The following NDRG1 variants were observed in gnomAD, a reference collection of about 807,000 sequenced individuals.
NDRG1 encodes the protein protein NDRG1.
NDRG1 carries 32 observed loss-of-function variants against 56.9 expected under a neutral mutation model. That is an observed-to-expected ratio of 0.56 (90% CI 0.42 to 0.76). The LOEUF (loss-of-function observed/expected upper bound fraction) is 0.76. Among genes scored for constraint, NDRG1 ranks in the 30% least tolerant of loss-of-function variants. The probability of loss-of-function intolerance (pLI) is 0.00; values close to 1 mark genes in which losing one functional copy is unlikely to be tolerated. For synonymous variants in NDRG1, 211 were observed against 204.1 expected (o/e 1.03, Z -0.29); for missense variants, 507 against 545.7 (o/e 0.93, Z 0.71).
At chr8:133,262,820 G>C (rs1856726168) in intron 4 of NDRG1, among the ~76,000 whole-genome samples, 2 of 152,154 alleles carry the variant, frequency 1.3e-5, no homozygotes, top group South Asian at 4.1e-4. Context: ...CTGCCACCCA[G>C]ATTCTCTAAG....
intron 8 of NDRG1, chr8:133,255,667 GA>G (rs1856329247): frequency 3.6e-6 from 1 of 279,152 alleles, no homozygotes; most frequent in East Asian, 9.8e-5. Flanking sequence ...CATTCTGGAG[GA>G]ATGTTCAAAG....
intron 11 of NDRG1, 92 bp from the exon 12 acceptor site, chr8:133,248,018 A>G (rs1298848991): frequency 2.4e-6 from 3 of 1,264,908 alleles, no homozygotes; most frequent in African/African-American, 2.9e-5. Flanking sequence ...TGCATTCTAC[A>G]AACAATGTCA....
At chr8:133,282,808 T>G (rs926632622) in intron 2 of NDRG1, among the ~76,000 whole-genome samples, 1 of 152,222 alleles carries the variant, frequency 6.6e-6, no homozygotes, top group Non-Finnish European at 1.5e-5. Flanking sequence ...TATTTACTAT[T>G]TGACCCTTTG....
chr8:133,289,020 T>A (rs1381714452), intron 1 of NDRG1, among the ~76,000 whole-genome samples: 2 of 152,204 alleles, frequency 1.3e-5, no homozygotes, highest in African/African-American at 4.8e-5. Context: ...GGCCATGGTG[T>A]CACCATTTAT....
At chr8:133,290,543 G>T (rs1269144866) in intron 1 of NDRG1, among the ~76,000 whole-genome samples, 1 of 152,160 alleles carries the variant, frequency 6.6e-6, no homozygotes, top group East Asian at 1.9e-4. Context: ...AGGGAATGTT[G>T]ACAATGATCT....
At chr8:133,291,574 A>G (rs1047433442) in intron 1 of NDRG1, among the ~76,000 whole-genome samples, 1 of 152,176 alleles carries the variant, frequency 6.6e-6, no homozygotes, top group African/African-American at 2.4e-5. Context: ...TAATCAACTC[A>G]GCAAACAATA....
chr8:133,266,854 GGATT>G (rs1033698810), intron 3 of NDRG1, among the ~76,000 whole-genome samples: 18 of 152,206 alleles, frequency 1.2e-4, no homozygotes, highest in African/African-American at 4.3e-4. Context: ...AGGAGAAAGA[GGATT>G]TAACCCACTG....
At chr8:133,287,590 G>A in intron 1 of NDRG1, among the ~76,000 whole-genome samples, 1 of 152,210 alleles carries the variant, frequency 6.6e-6, no homozygotes, top group East Asian at 1.9e-4. Context: ...TCCCCCTGGA[G>A]GGCAGAGCAG....
chr8:133,244,759 G>A (rs376170830), intron 13 of NDRG1: 6 of 400,538 alleles, frequency 1.5e-5, no homozygotes, highest in East Asian at 4.8e-5. Context: ...TCTCTGACCC[G>A]AAAGGGTTTG....
intron 5 of NDRG1, 62 bp from the exon 6 acceptor site, chr8:133,259,292 G>A (rs1856544486): frequency 6.5e-7 from 1 of 1,530,402 alleles, no homozygotes; most frequent in African/African-American, 1.4e-5. Flanking sequence ...ATCCAAACAG[G>A]GACACGCTTG....
chr8:133,293,520 C>T (rs1274596166), intron 1 of NDRG1, among the ~76,000 whole-genome samples: 1 of 152,204 alleles, frequency 6.6e-6, no homozygotes, highest in African/African-American at 2.4e-5. Context: ...GAAAGAATGT[C>T]TTCTACCTCA....
chr8:133,244,730 A>G (rs939903967), intron 13 of NDRG1: 5 of 473,058 alleles, frequency 1.1e-5, no homozygotes, highest in Non-Finnish European at 1.9e-5. Context: ...AGGGACTCGC[A>G]AGGTTCCAGG....
intron 4 of NDRG1, 79 bp from the exon 5 acceptor site, chr8:133,262,246 T>C: frequency 6.7e-7 from 1 of 1,491,042 alleles, no homozygotes. Flanking sequence ...CAAAGCACAT[T>C]CATTTTGTTT....
intron 1 of NDRG1, among the ~76,000 whole-genome samples, chr8:133,290,575 A>G (rs1563644573): frequency 6.6e-6 from 1 of 152,178 alleles, no homozygotes; most frequent in Non-Finnish European, 1.5e-5. Flanking sequence ...AAATATATCC[A>G]CAGTCCTCAC....
chr8:133,296,427 G>A, intron 1 of NDRG1: 1 of 454,494 alleles, frequency 2.2e-6, no homozygotes, highest in Non-Finnish European at 4.4e-6. Context: ...AGTGGCGCTC[G>A]CAGACACTTG....
At chr8:133,248,616 A>G in intron 11 of NDRG1, 99 bp downstream of exon 11, 1 of 1,374,032 alleles carries the variant, frequency 7.3e-7, no homozygotes, top group Non-Finnish European at 1.0e-6. Flanking sequence ...TCACTGACAC[A>G]ATGTCCTGCC....
intron 1 of NDRG1, among the ~76,000 whole-genome samples, chr8:133,291,809 A>G (rs1306481387): frequency 1.3e-5 from 2 of 152,218 alleles, no homozygotes; most frequent in African/African-American, 4.8e-5. Context: ...GGTGAACCCC[A>G]CTGTCTCCCT....
intron 1 of NDRG1, chr8:133,296,412 T>C (rs1858764716): frequency 2.2e-6 from 1 of 451,326 alleles, no homozygotes; most frequent in South Asian, 1.6e-5. Flanking sequence ...GGGCGCACCC[T>C]GCCCAGTGGC....
chr8:133,258,205 T>C (rs371707044), intron 7 of NDRG1, among the ~76,000 whole-genome samples, 161 bp downstream of exon 7: 2 of 151,162 alleles, frequency 1.3e-5, no homozygotes, highest in Admixed American at 6.6e-5. Context: ...TGAGTATATA[T>C]ATATACGAGT....
Sources: gnomAD v4.1 joint callset for allele counts (sites outside exome capture counted in the v4.1 genomes callset) on GRCh38, gnomAD v4.1.1 for gene constraint, MANE v1.5 for transcripts, NCBI Gene and HGNC (gene_info 2026-07-23, HGNC 2026-07-21) for gene names.